The following NXPE1 variants were observed in gnomAD, a reference collection of about 807,000 sequenced individuals.
NXPE1 encodes the protein NXPE family member 1.
Under a neutral mutation model 33.3 loss-of-function variants are expected in NXPE1, and 31 were observed. The ratio of observed to expected loss-of-function variants is 0.93; its 90% CI spans 0.70 to 1.26. The LOEUF (loss-of-function observed/expected upper bound fraction) is 1.26. Ranked by LOEUF, NXPE1 falls within the 50% of genes most tolerant of loss-of-function variation. NXPE1 has a pLI of 0.00. For missense variants in NXPE1, 661 were observed against 655.6 expected, an observed-to-expected ratio of 1.01 and a Z score of -0.09; for synonymous variants, 229 against 231.4, an observed-to-expected ratio of 0.99 and a Z score of 0.09.
chr11:114,530,516 G>A, exon 6 of NXPE1: 1 of 1,613,932 alleles, frequency 6.2e-7, no homozygotes, highest in Non-Finnish European at 8.5e-7. Context: ...AGCTGACCAG[G>A]TAGGTGCCAT....
At chr11:114,533,746 C>T (rs1947681331) in intron 5 of NXPE1, among the ~76,000 whole-genome samples, 1 of 152,194 alleles carries the variant, frequency 6.6e-6, no homozygotes, top group Non-Finnish European at 1.5e-5. Context: ...GGAGGGGCAC[C>T]CACCATTGCT....
intron 5 of NXPE1, among the ~76,000 whole-genome samples, chr11:114,535,931 C>A (rs918643844): frequency 3.3e-5 from 5 of 152,136 alleles, no homozygotes; most frequent in Non-Finnish European, 7.3e-5. Flanking sequence ...ACCAAGCAGA[C>A]CTAATAGACA....
chr11:114,530,751 G>A, exon 6 of NXPE1: 2 of 1,614,194 alleles, frequency 1.2e-6, no homozygotes, highest in Non-Finnish European at 1.7e-6. Context: ...GAAAGGTCTG[G>A]GTGGGATCTG....
chr11:114,539,114 T>A (rs1418144525), intron 5 of NXPE1, among the ~76,000 whole-genome samples: 1 of 152,186 alleles, frequency 6.6e-6, no homozygotes, highest in African/African-American at 2.4e-5. Context: ...TAAAAAATAA[T>A]GAGTTCCTGT....
intron 6 of NXPE1, 34 bp downstream of exon 6, chr11:114,530,141 G>C (rs1345594025): frequency 5.2e-6 from 8 of 1,550,156 alleles, no homozygotes; most frequent in Non-Finnish European, 6.9e-6. Flanking sequence ...CTTCTCAGGG[G>C]ACACTTCTCA....
intron 7 of NXPE1, among the ~76,000 whole-genome samples, chr11:114,524,182 T>G (rs985570372): frequency 2.0e-5 from 3 of 152,220 alleles, no homozygotes; most frequent in African/African-American, 7.2e-5. Flanking sequence ...TTTTAAAGCA[T>G]GACCTAGAAG....
At chr11:114,559,438 T>C (rs918499419) in intron 1 of NXPE1, among the ~76,000 whole-genome samples, 12 of 152,216 alleles carry the variant, frequency 7.9e-5, no homozygotes, top group African/African-American at 2.9e-4. Context: ...ATTTTTGATG[T>C]CCTTCTTCCT....
In NXPE1 at chr11:114,530,309, A is replaced by C. The variant is rs780754796; in HGVS notation, c.699T>G (p.Tyr233Ter). The C allele has an allele frequency of 6.2e-7, 1 of 1,614,242 alleles. No homozygotes were observed. The change falls in exon 6 of 9, where the codon TAT becomes TAG. Residue 233 changes from tyrosine (Y) to a stop codon, truncating the protein, a stop_gained. Transcript: ENST00000534921. LOFTEE classifies it high-confidence loss of function. ...AGGCTTCTTGGTCTCTGTCATCCAG[A>C]TATTCACAGAGTTCAGCATTTGAGT...
intron 5 of NXPE1, among the ~76,000 whole-genome samples, chr11:114,544,873 A>T (rs558436977): frequency 1.3e-5 from 2 of 152,180 alleles, no homozygotes; most frequent in African/African-American, 4.8e-5. Context: ...AAACTCAATA[A>T]TAAGAGAAAA....
chr11:114,539,035 A>C, intron 5 of NXPE1, among the ~76,000 whole-genome samples: 1 of 152,234 alleles, frequency 6.6e-6, no homozygotes, highest in Non-Finnish European at 1.5e-5. Context: ...GAACCAACCC[A>C]AATGTCCAAC....
chr11:114,538,135 A>G (rs1481914581), intron 5 of NXPE1, among the ~76,000 whole-genome samples: 1 of 152,204 alleles, frequency 6.6e-6, no homozygotes, highest in Non-Finnish European at 1.5e-5. Flanking sequence ...CATATCTACA[A>G]CTATCTGATC....
At chr11:114,530,358 A>G (rs1259089538) in exon 6 of NXPE1, 3 of 1,614,190 alleles carry the variant, frequency 1.9e-6, no homozygotes, top group Non-Finnish European at 2.5e-6. Flanking sequence ...ACATTCAGTG[A>G]AGACATGAGA....
chr11:114,537,770 T>G (rs1466959038), intron 5 of NXPE1, among the ~76,000 whole-genome samples: 38 of 151,316 alleles, frequency 2.5e-4, no homozygotes, highest in Non-Finnish European at 4.3e-4. Context: ...CACTGCTCAA[T>G]GAAATAAAAG....
intron 3 of NXPE1, 119 bp from the exon 4 acceptor site, chr11:114,551,560 G>T: frequency 8.0e-6 from 2 of 250,568 alleles, no homozygotes; most frequent in Non-Finnish European, 1.3e-5. Flanking sequence ...CATGTCTTTT[G>T]GGGGAAGATT....
At chr11:114,520,214 A>G (rs1947182073), downstream of NXPE1, among the ~76,000 whole-genome samples, 1 of 152,116 alleles carries the variant, frequency 6.6e-6, no homozygotes, top group Non-Finnish European at 1.5e-5. Flanking sequence ...CTAGACATTC[A>G]TCCAATAGAA....
intron 5 of NXPE1, among the ~76,000 whole-genome samples, chr11:114,531,729 T>C (rs1947591731): frequency 6.6e-6 from 1 of 152,186 alleles, no homozygotes; most frequent in African/African-American, 2.4e-5. Context: ...TTACTAATAC[T>C]TTCTCCTCTT....
At position 114,522,898 on chromosome 11, in the gene NXPE1, G is replaced by A. The variant is rs766642073; in HGVS notation, c.1089C>T (p.Tyr363=). Residue 363 remains tyrosine (Y), a synonymous_variant, in exon 8 of 9, where the codon TAC becomes TAT. Coordinates refer to ENST00000534921, the Ensembl canonical transcript of NXPE1. Reference sequence around the variant, plus strand: ...ACCTACTTTTTACAACTTTGGGGAAGTAGTAGATCCACTGACGTAGTGTAG... The same window carrying A: ...ACCTACTTTTTACAACTTTGGGGAAATAGTAGATCCACTGACGTAGTGTAG... 4 of 1,612,200 alleles carry A rather than the reference G, an allele frequency of 2.5e-6. No homozygotes were observed. The South Asian group carries it at 3.3e-5, about 13-fold the overall frequency.
chr11:114,531,589 T>C (rs1947586828), intron 5 of NXPE1, among the ~76,000 whole-genome samples: 9 of 152,212 alleles, frequency 5.9e-5, no homozygotes, highest in Admixed American at 5.2e-4. Flanking sequence ...TAAAATCCAT[T>C]TGTAATATGG....
intron 1 of NXPE1, chr11:114,553,779 C>T: frequency 3.0e-6 from 3 of 984,780 alleles, no homozygotes; most frequent in Non-Finnish European, 3.6e-6. Context: ...GTGAGCTGAA[C>T]CCAGCCTTTG....
Sources: gnomAD v4.1 joint callset for allele counts (sites outside exome capture counted in the v4.1 genomes callset) on GRCh38, gnomAD v4.1.1 for gene constraint, MANE v1.5 for transcripts, NCBI Gene and HGNC (gene_info 2026-07-23, HGNC 2026-07-21) for gene names.